Variants in P2RX3 observed in about 807,000 individuals in gnomAD.
The protein encoded by P2RX3 is P2X purinoceptor 3.
A neutral mutation model predicts 51.5 loss-of-function variants in P2RX3; 41 were observed. The observed-to-expected ratio is 0.80, with a 90% CI of 0.62 to 1.03. The LOEUF is 1.03. Ranked by LOEUF, P2RX3 falls within the 50% of genes least tolerant of loss-of-function variation. The pLI, the probability that P2RX3 is intolerant of heterozygous loss-of-function variation, is 0.00. For synonymous variants in P2RX3, 185 were observed against 191.6 expected (o/e 0.97, Z 0.29); for missense variants, 459 against 522.1 (o/e 0.88, Z 1.18).
intron 4 of P2RX3, 45 bp downstream of exon 4, chr11:57,347,523 G>C: frequency 6.5e-7 from 1 of 1,540,416 alleles, no homozygotes; most frequent in Non-Finnish European, 8.8e-7. Flanking sequence ...AGTGTTAGTG[G>C]GACCCATGGG....
At chr11:57,338,910 C>T (rs150936135) in intron 1 of P2RX3, among the ~76,000 whole-genome samples, 10 of 152,302 alleles carry the variant, frequency 6.6e-5, no homozygotes, top group Non-Finnish European at 1.5e-4. Context: ...TCAAGACACA[C>T]GCTCGGAGTA....
rs1856663807 is a variant in P2RX3, at chr11:57,358,416, T to C, written c.842+7518T>C. ...CAAGCAAGTTTTAATATAGTGATGA[T>C]AAATTTGAATCCAAATAACGAAAAA... On this transcript the variant is annotated intron_variant, in intron 8 of 11. Coordinates refer to ENST00000263314, the MANE Select transcript of P2RX3 (RefSeq NM_002559.5). 2.0e-5 allele frequency among the ~76,000 whole-genome samples: 3 copies of C among 152,202 alleles called. No individual in the cohort carries two copies. The South Asian group carries it at 6.2e-4, about 31-fold the overall frequency.
upstream of P2RX3, among the ~76,000 whole-genome samples, chr11:57,337,329 A>AAATGG (rs1554965262): frequency 1.3e-5 from 1 of 77,296 alleles, no homozygotes; most frequent in African/African-American, 5.7e-5. Context: ...AAGAAAAAAA[A>AAATGG]AAGGAAGGGA....
At position 57,371,932 on chromosome 11, in the gene P2RX3, T is replaced by C. The variant is rs1856893767; in HGVS notation, c.*1935T>C. Among the ~76,000 whole-genome samples, 1 of 139,272 alleles carries C rather than the reference T, an allele frequency of 7.2e-6. No homozygotes were observed. Among genetic ancestry groups the C allele is most frequent in the Non-Finnish European group, 1.6e-5 (1 of 64,244 alleles). 91.4% of individuals were successfully genotyped at this position (139,272 alleles called of 152,430 possible). A position where few individuals can be genotyped will look rare whatever the true frequency, so the allele number is the denominator to read the frequency against. On this transcript the variant is annotated 3_prime_UTR_variant, in exon 12 of 12. Transcript: ENST00000263314. ...CCTTTTACCCAGATGGAGGTGGTCCTCCTGTAGGTGCCTCCGCCCCTCTGG... is the reference window on the plus strand; with the variant it reads ...CCTTTTACCCAGATGGAGGTGGTCCCCCTGTAGGTGCCTCCGCCCCTCTGG...
Position 57,369,996 on chromosome 11 carries a change from A to C in P2RX3, c.1193A>C (p.Ter398SerextTer39). 1 of 1,605,466 alleles carries C rather than the reference A, an allele frequency of 6.2e-7. No individual in the cohort carries two copies. The highest frequency in any genetic ancestry group is 8.5e-7 in the Non-Finnish European group (1 of 1,172,558). Reference sequence around the variant, plus strand: ...TCGGGGGCCTTCTCCATAGGCCACTAGGGCCTCTTTCCAGGGCCCCACACT... The same window carrying C: ...TCGGGGGCCTTCTCCATAGGCCACTCGGGCCTCTTTCCAGGGCCCCACACT... ...TDSGAFSIGH[*>S] Residue 398 changes from the stop codon to serine (S), a stop_lost, in exon 12 of 12, where the codon TAG (stop) becomes TCG (serine). Coordinates refer to ENST00000263314, the MANE Select transcript of P2RX3 (RefSeq NM_002559.5).
intron 1 of P2RX3, among the ~76,000 whole-genome samples, chr11:57,346,156 G>A (rs1219505881): frequency 6.6e-6 from 1 of 152,202 alleles, no homozygotes; most frequent in African/African-American, 2.4e-5. Context: ...TCAGCAGCAT[G>A]GAATGACTTT....
chr11:57,364,082 G>A (rs541987148), intron 8 of P2RX3, among the ~76,000 whole-genome samples: 24 of 152,284 alleles, frequency 1.6e-4, no homozygotes, highest in African/African-American at 5.3e-4. Context: ...CACTGTCAGA[G>A]CCGTTTTCAT....
At chr11:57,353,740 C>T (rs1189633543) in intron 8 of P2RX3, among the ~76,000 whole-genome samples, 1 of 151,896 alleles carries the variant, frequency 6.6e-6, no homozygotes, top group Non-Finnish European at 1.5e-5. Flanking sequence ...AGCCAAGATT[C>T]GGCCGTGTTT....
chr11:57,355,531 G>A (rs1241703992), intron 8 of P2RX3, among the ~76,000 whole-genome samples: 1 of 151,908 alleles, frequency 6.6e-6, no homozygotes, highest in African/African-American at 2.4e-5. Context: ...AGTAGAGACG[G>A]GATTTCAACA....
intron 5 of P2RX3, 21 bp downstream of exon 5, chr11:57,348,284 G>T: frequency 6.4e-7 from 1 of 1,573,178 alleles, no homozygotes; most frequent in East Asian, 2.3e-5. Flanking sequence ...AAGCCAGACA[G>T]GAGGAGACAG....
chr11:57,346,954 G>T (rs1856447548), intron 2 of P2RX3, among the ~76,000 whole-genome samples, 162 bp from the exon 3 acceptor site: 1 of 152,210 alleles, frequency 6.6e-6, no homozygotes, highest in African/African-American at 2.4e-5. Context: ...GTGGGTGGCT[G>T]CAAAGAGCCA....
intron 8 of P2RX3, among the ~76,000 whole-genome samples, chr11:57,356,345 C>A (rs190044893): frequency 2.0e-5 from 3 of 152,194 alleles, no homozygotes; most frequent in African/African-American, 7.2e-5. Context: ...GTGTGATTGA[C>A]GGGAGAGAAT....
At chr11:57,349,238 G>A (rs1472613762) in intron 6 of P2RX3, among the ~76,000 whole-genome samples, 1 of 151,656 alleles carries the variant, frequency 6.6e-6, no homozygotes. Flanking sequence ...CGAGAAGGGT[G>A]GATCACGAGG....
rs1856509135 is a variant in P2RX3, at chr11:57,349,751, C to G, written c.564-6C>G. The G allele has an allele frequency of 6.2e-7, 1 of 1,613,948 alleles. No individual in the cohort carries two copies. The highest frequency in any genetic ancestry group is 1.1e-5 in the South Asian group (1 of 91,066). On this transcript the variant is annotated splice_polypyrimidine_tract_variant and splice_region_variant and intron_variant, in intron 6 of 11. Coordinates refer to ENST00000263314, the MANE Select transcript of P2RX3 (RefSeq NM_002559.5). ...TGGGCTGACCTCTCTCTCTGCTCCT[C>G]CCCAGGGGAAACCTCCTTCCCAACC...
chr11:57,348,086 G>A (rs1453173049), intron 4 of P2RX3, 84 bp from the exon 5 acceptor site: 2 of 1,254,420 alleles, frequency 1.6e-6, no homozygotes, highest in Admixed American at 4.7e-5. Flanking sequence ...CAGGGTCCCT[G>A]ATGGGGGGAA....
intron 8 of P2RX3, among the ~76,000 whole-genome samples, chr11:57,367,710 G>A (rs574006814): frequency 6.6e-6 from 1 of 152,300 alleles, no homozygotes; most frequent in African/African-American, 2.4e-5. Flanking sequence ...GACAGAATGA[G>A]ACTCTGTCTC....
intron 8 of P2RX3, among the ~76,000 whole-genome samples, chr11:57,364,835 T>A (rs2134446045): frequency 6.6e-6 from 1 of 152,216 alleles, no homozygotes; most frequent in South Asian, 2.1e-4. Flanking sequence ...CAAGCCCTCT[T>A]CCGGATAAGT....
In P2RX3 at chr11:57,369,887, A is replaced by G. The variant is rs1048101850; in HGVS notation, c.1084A>G (p.Asn362Asp). Residue 362 changes from asparagine to aspartate, a missense_variant, in exon 12 of 12, where the codon AAT becomes GAT. Transcript: ENST00000263314. ...ACACCAGCTCTTTCGCCTGCAGGTG[A>G]ATGAGACTACGCTGAAAATCGCGGC... is the stretch of plus-strand genomic sequence containing the variant. ...QYKAKKFEEVNETTLKIAALT... is the reference protein window; with the variant it reads ...QYKAKKFEEVDETTLKIAALT... 6.2e-6 allele frequency: 10 copies of G among 1,609,470 alleles called. No individual in the cohort carries two copies. The African/African-American group carries it at 1.2e-4, about 19-fold the overall frequency.
chr11:57,362,308 C>G (rs1272644614), intron 8 of P2RX3, among the ~76,000 whole-genome samples: 2 of 152,068 alleles, frequency 1.3e-5, no homozygotes, highest in African/African-American at 4.8e-5. Context: ...TGGGCCAGGT[C>G]GGGAGGAGTC....
Sources: gnomAD v4.1 joint callset for allele counts (sites outside exome capture counted in the v4.1 genomes callset) on GRCh38, gnomAD v4.1.1 for gene constraint, MANE v1.5 for transcripts, NCBI Gene and HGNC (gene_info 2026-07-23, HGNC 2026-07-21) for gene names.